Variants in SLC25A13 observed in about 807,000 individuals in gnomAD.
SLC25A13 encodes electrogenic aspartate/glutamate antiporter SLC25A13, mitochondrial.
Under a neutral mutation model 85.5 loss-of-function variants are expected in SLC25A13, and 70 were observed. The ratio of observed to expected loss-of-function variants is 0.82; its 90% CI spans 0.68 to 1.00. The LOEUF is 1.00. Among genes scored for constraint, SLC25A13 ranks in the 50% least tolerant of loss-of-function variants. The pLI, the probability that SLC25A13 is intolerant of heterozygous loss-of-function variation, is 0.00. For missense variants in SLC25A13, 765 were observed against 819.8 expected (o/e 0.93, Z 0.82); for synonymous variants, 259 against 288.7 (o/e 0.90, Z 1.04).
chr7:96,223,760 C>G (rs1796223495), intron 4 of SLC25A13, among the ~76,000 whole-genome samples: 2 of 142,446 alleles, frequency 1.4e-5, no homozygotes, highest in Non-Finnish European at 3.0e-5. Flanking sequence ...TGCACTCCAG[C>G]CGGGGCAACA....
At chr7:96,125,523 G>A (rs955029131) in intron 15 of SLC25A13, among the ~76,000 whole-genome samples, 52 of 152,102 alleles carry the variant, frequency 3.4e-4, no homozygotes, top group Admixed American at 5.9e-4. Flanking sequence ...ACATAATTAC[G>A]ACTCAAGACA....
chr7:96,312,207 T>C (rs979078685), intron 1 of SLC25A13, among the ~76,000 whole-genome samples: 1 of 152,162 alleles, frequency 6.6e-6, no homozygotes, highest in Non-Finnish European at 1.5e-5. Flanking sequence ...TTACAAGCCA[T>C]GTGATCTTGG....
chr7:96,165,937 A>G (rs1416665737), intron 13 of SLC25A13, among the ~76,000 whole-genome samples: 9 of 152,254 alleles, frequency 5.9e-5, no homozygotes, highest in Admixed American at 5.9e-4. Flanking sequence ...CCTTGCCTTA[A>G]AAACAGTATT....
At chr7:96,315,805 T>C (rs924305367) in intron 1 of SLC25A13, among the ~76,000 whole-genome samples, 2 of 152,152 alleles carry the variant, frequency 1.3e-5, no homozygotes, top group Non-Finnish European at 2.9e-5. Context: ...AACCCTGCCA[T>C]TTGAAGAATA....
chr7:96,142,593 A>G (rs542470696), intron 14 of SLC25A13, among the ~76,000 whole-genome samples: 1 of 152,286 alleles, frequency 6.6e-6, no homozygotes, highest in Non-Finnish European at 1.5e-5. Context: ...TTTTTGAAAG[A>G]GAAATACTAA....
chr7:96,222,403 A>G (rs1368916090), intron 4 of SLC25A13, among the ~76,000 whole-genome samples: 1 of 152,102 alleles, frequency 6.6e-6, no homozygotes, highest in Non-Finnish European at 1.5e-5. Context: ...TCCCTTTCAG[A>G]GGTCTCACTA....
At chr7:96,306,754 A>G in intron 1 of SLC25A13, 1 of 1,158,162 alleles carries the variant, frequency 8.6e-7, no homozygotes, top group Non-Finnish European at 1.3e-6. Flanking sequence ...ATCCCTCTGC[A>G]TTTTGTTCTT....
In SLC25A13 at chr7:96,234,937, T is replaced by G; in HGVS notation, c.213-20A>C. On this transcript the variant is annotated intron_variant, in intron 3 of 17. Transcript: ENST00000265631. The stretch of plus-strand genomic sequence containing the variant: ...ATTAATCTGCAACATAAAACAAACA[T>G]AAAGCAAAAGTCAGTAGCTTGTGGA... 1 of 1,588,764 alleles carries G rather than the reference T, an allele frequency of 6.3e-7. No homozygotes were observed. Among genetic ancestry groups the G allele is most frequent in the Non-Finnish European group, 8.6e-7 (1 of 1,158,014 alleles).
At chr7:96,281,996 C>A (rs1798698722) in intron 2 of SLC25A13, among the ~76,000 whole-genome samples, 1 of 152,068 alleles carries the variant, frequency 6.6e-6, no homozygotes, top group South Asian at 2.1e-4. Context: ...AGCAGAGGGT[C>A]CCTATAGGGG....
At chr7:96,141,460 G>C (rs1457006722) in intron 14 of SLC25A13, among the ~76,000 whole-genome samples, 1 of 152,202 alleles carries the variant, frequency 6.6e-6, no homozygotes, top group Non-Finnish European at 1.5e-5. Context: ...TTGAGTGAGT[G>C]AATTAATATG....
At chr7:96,229,125 G>A (rs190164582) in intron 4 of SLC25A13, among the ~76,000 whole-genome samples, 25 of 152,330 alleles carry the variant, frequency 1.6e-4, no homozygotes, top group African/African-American at 5.0e-4. Context: ...GGGCAGCTCC[G>A]CCCGCAGCCC....
chr7:96,257,871 T>A (rs1415340000), intron 3 of SLC25A13, among the ~76,000 whole-genome samples: 2 of 152,188 alleles, frequency 1.3e-5, no homozygotes, highest in East Asian at 1.9e-4. Context: ...TCTACTATAA[T>A]CAAGTCGGCT....
chr7:96,206,812 T>C (rs545919433), intron 5 of SLC25A13, among the ~76,000 whole-genome samples: 46 of 152,280 alleles, frequency 3.0e-4, no homozygotes, highest in Non-Finnish European at 1.5e-5. Context: ...TCCCCATATC[T>C]GGAGGAAGGC....
At chr7:96,190,225 C>A (rs1360971668) in intron 7 of SLC25A13, among the ~76,000 whole-genome samples, 2 of 151,766 alleles carry the variant, frequency 1.3e-5, no homozygotes, top group African/African-American at 4.8e-5. Context: ...GCTGGAACTA[C>A]AGGTGTGTGC....
chr7:96,155,915 T>C (rs1198734846), intron 13 of SLC25A13, among the ~76,000 whole-genome samples: 1 of 152,242 alleles, frequency 6.6e-6, no homozygotes, highest in African/African-American at 2.4e-5. Flanking sequence ...TAAAAGAATG[T>C]GAACGCGACT....
chr7:96,221,145 C>T (rs1584474136), intron 4 of SLC25A13, among the ~76,000 whole-genome samples: 1 of 152,230 alleles, frequency 6.6e-6, no homozygotes, highest in East Asian at 1.9e-4. Context: ...CGTGCAAATC[C>T]GTATTTAGCT....
intron 15 of SLC25A13, among the ~76,000 whole-genome samples, chr7:96,129,683 T>G (rs1023797016): frequency 6.6e-6 from 1 of 152,254 alleles, no homozygotes; most frequent in Non-Finnish European, 1.5e-5. Context: ...TTTTCATCTA[T>G]TAATTCACTT....
intron 13 of SLC25A13, among the ~76,000 whole-genome samples, chr7:96,165,564 T>C (rs750206585): frequency 2.0e-5 from 3 of 152,184 alleles, no homozygotes; most frequent in Non-Finnish European, 4.4e-5. Context: ...GTTGCACTAA[T>C]GGGAAAAAAT....
At chr7:96,267,828 G>T (rs929461344) in intron 3 of SLC25A13, among the ~76,000 whole-genome samples, 2 of 151,400 alleles carry the variant, frequency 1.3e-5, no homozygotes, top group African/African-American at 4.8e-5. Context: ...TTAAGGGTTT[G>T]ATTATATTGC....
Sources: gnomAD v4.1 joint callset for allele counts (sites outside exome capture counted in the v4.1 genomes callset) on GRCh38, gnomAD v4.1.1 for gene constraint, MANE v1.5 for transcripts, NCBI Gene and HGNC (gene_info 2026-07-23, HGNC 2026-07-21) for gene names.